The following TIMP1 variants were observed in gnomAD, a reference collection of about 807,000 sequenced individuals.
TIMP1 encodes the protein TIMP metallopeptidase inhibitor 1, also known as metalloproteinase inhibitor 1.
In TIMP1, 5 loss-of-function variants were observed where a neutral mutation model predicts 13.7. The ratio of observed to expected loss-of-function variants is 0.36; its 90% CI spans 0.19 to 0.76. The LOEUF is 0.76. Ranked by LOEUF, TIMP1 falls within the 30% of genes least tolerant of loss-of-function variation. TIMP1 has a pLI of 0.51. For synonymous variants in TIMP1, 63 were observed against 67.1 expected (o/e 0.94, Z 0.30); for missense variants, 131 against 168.4 (o/e 0.78, Z 1.23).
In TIMP1 at chrX:47,586,395, A is replaced by G. The variant is rs745619160; in HGVS notation, c.454-126A>G. ...TCAATGGGAGGGGCTGTCCTGGGGT[A>G]TGTACTTAGGTGGGGTGAGAGCAAG... On this transcript the variant is annotated intron_variant, in intron 5 of 5. Coordinates refer to ENST00000218388, the MANE Select transcript of TIMP1 (RefSeq NM_003254.3). 13 of 1,099,896 alleles carry G rather than the reference A, an allele frequency of 1.2e-5. No individual in the cohort carries two copies. In the South Asian group the frequency reaches 2.5e-4, roughly 21 times the overall value. 90.6% of individuals were successfully genotyped at this position (1,099,896 alleles called of 1,213,427 possible). A position where few individuals can be genotyped will look rare whatever the true frequency, so the allele number is the denominator to read the frequency against.
chrX:47,583,286 A>G lies in TIMP1; in HGVS notation c.-8-122A>G, dbSNP rs41415045. Reference sequence around the variant, plus strand: ...AATCCCTAAGCTTACCAACCCCTCAAGCCCAAATCCAGCCCCCTAATCCCC... The same window carrying G: ...AATCCCTAAGCTTACCAACCCCTCAGGCCCAAATCCAGCCCCCTAATCCCC... On this transcript the variant is annotated intron_variant, in intron 1 of 5. Transcript: ENST00000218388. 2.5e-4 allele frequency: 125 copies of G among 491,170 alleles called. No homozygotes were observed. The African/African-American group carries it at 2.8e-3, about 11-fold the overall frequency. 40.5% of individuals were successfully genotyped at this position (491,170 alleles called of 1,213,427 possible).
chrX:47,585,727 G>A (rs766533995), intron 5 of TIMP1, 60 bp downstream of exon 5: 5 of 1,194,627 alleles, frequency 4.2e-6, no homozygotes, highest in South Asian at 3.7e-5. Context: ...TCCCTAAATC[G>A]TGGGCTTGTT....
chrX:47,583,676 C>A, intron 2 of TIMP1, 140 bp downstream of exon 2: 1 of 711,512 alleles, frequency 1.4e-6, no homozygotes, highest in Non-Finnish European at 1.9e-6. Context: ...GGCATCCTCA[C>A]ACTTCCTTGA....
chrX:47,583,024 C>T (rs1456197262), intron 1 of TIMP1, among the ~76,000 whole-genome samples: 1 of 92,085 alleles, frequency 1.1e-5, no homozygotes, highest in Non-Finnish European at 2.1e-5. Flanking sequence ...TCTTAATATA[C>T]ACAACCCCTA....
In TIMP1 at chrX:47,586,305, G is replaced by A. The variant is rs1055452613; in HGVS notation, c.454-216G>A. 1.1e-5 allele frequency: 8 copies of A among 752,743 alleles called. No individual in the cohort carries two copies. In the Admixed American group the frequency reaches 3.5e-4, roughly 33 times the overall value. 62.0% of individuals were successfully genotyped at this position (752,743 alleles called of 1,213,427 possible). ...ACTGACCCCCAGGGCCTATTCCCCA[G>A]CCACCATTCCAGGACACTGATTTAC... is the stretch of plus-strand genomic sequence containing the variant. On this transcript the variant is annotated intron_variant, in intron 5 of 5. Transcript: ENST00000218388.
At chrX:47,582,959 C>T (rs1277544293) in intron 1 of TIMP1, among the ~76,000 whole-genome samples, 1 of 84,111 alleles carries the variant, frequency 1.2e-5, no homozygotes, top group Admixed American at 1.4e-4. Context: ...CTCCCTAAAC[C>T]CCCAACCTCC....
Position 47,583,533 on chromosome X carries a change from C to T in TIMP1, c.118C>T (p.Leu40Phe). ...ACAGACGGCCTTCTGCAATTCCGAC[C>T]TCGGTGAGTCCTCACCCCACTCAGC... ...HPQTAFCNSDLVIRAKFVGTP... is the reference protein window; with the variant it reads ...HPQTAFCNSDFVIRAKFVGTP... The change falls in exon 2 of 6, where the codon CTC (leucine) becomes TTC (phenylalanine). Residue 40 changes from leucine (L) to phenylalanine (F), a missense_variant. Leu to Phe is a conservative substitution (Grantham distance 22). Coordinates refer to ENST00000218388, the MANE Select transcript of TIMP1 (RefSeq NM_003254.3). 7.5e-6 allele frequency: 9 copies of T among 1,195,254 alleles called. No homozygotes were observed. Among genetic ancestry groups the T allele is most frequent in the Non-Finnish European group, 9.0e-6 (8 of 886,355 alleles).
At chrX:47,582,558 G>T in intron 1 of TIMP1, 84 bp downstream of exon 1, 1 of 362,539 alleles carries the variant, frequency 2.8e-6, no homozygotes. Context: ...GCACTCCCGT[G>T]CCAGATGCCT....
rs749449635 is a variant in TIMP1, at chrX:47,585,312, C to T, written c.309C>T (p.Ser103=). 4.1e-6 allele frequency: 5 copies of T among 1,211,739 alleles called. No individual in the cohort carries two copies. Among genetic ancestry groups the T allele is most frequent in the South Asian group, 3.5e-5 (2 of 56,958 alleles). ...ACTTCCACAGGTCCCACAACCGCAG[C>T]GAGGAGTTTCTCATTGCTGGTGAGG... ...CGYFHRSHNR[S]EEFLIAGKLQ... The change falls in exon 4 of 6, where the codon AGC becomes AGT. Residue 103 remains serine (S), a synonymous_variant. Transcript: ENST00000218388.
intron 2 of TIMP1, 92 bp downstream of exon 2, chrX:47,583,628 T>G (rs1056366020): frequency 4.0e-5 from 40 of 998,853 alleles, no homozygotes; most frequent in Non-Finnish European, 5.2e-5. Context: ...CTAGAATGAT[T>G]CCACTCGCCC....
At chrX:47,586,057 T>C in intron 5 of TIMP1, 1 of 966,284 alleles carries the variant, frequency 1.0e-6, no homozygotes, top group Non-Finnish European at 1.3e-6. Flanking sequence ...CTTGTTGCTC[T>C]GCAGCTCTGA....
chrX:47,586,471 C>A lies in TIMP1; in HGVS notation c.454-50C>A, dbSNP rs770242868. The stretch of plus-strand genomic sequence containing the variant: ...GCTGAGGAGAGGAAGTTCTGCTCCA[C>A]GGGGGAGGCAGGGAGAAGCCCTCAG... On this transcript the variant is annotated intron_variant, in intron 5 of 5. Transcript: ENST00000218388. 12 of 1,187,758 alleles carry A rather than the reference C, an allele frequency of 1.0e-5. 1 individual carries two copies. The East Asian group carries it at 3.6e-4, about 35-fold the overall frequency.
chrX:47,586,745 C>A lies in TIMP1; in HGVS notation c.*54C>A, dbSNP rs1603060570. 1 of 1,156,889 alleles carries A rather than the reference C, an allele frequency of 8.6e-7. No individual in the cohort carries two copies. The highest frequency in any genetic ancestry group is 3.0e-5 in the East Asian group (1 of 33,419). ...GCACAGTGTCCACCCTGTTCCCACTCCCATCTTTCTTCCGGACAATGAAAT... is the reference window on the plus strand; with the variant it reads ...GCACAGTGTCCACCCTGTTCCCACTACCATCTTTCTTCCGGACAATGAAAT... On this transcript the variant is annotated 3_prime_UTR_variant, in exon 6 of 6. Coordinates refer to ENST00000218388, the MANE Select transcript of TIMP1 (RefSeq NM_003254.3).
Position 47,585,233 on chromosome X carries a change from A to G in TIMP1, c.230A>G (p.Asp77Gly). 1 of 1,200,392 alleles carries G rather than the reference A, an allele frequency of 8.3e-7. No homozygotes were observed. The highest frequency in any genetic ancestry group is 1.1e-6 in the Non-Finnish European group (1 of 888,711). ...TATAAAGGGTTCCAAGCCTTAGGGG[A>G]TGCCGCTGACATCCGGTTCGTCTAC... ...KMYKGFQALG[D>G]AADIRFVYTP... is the part of the protein sequence containing the mutation. Residue 77 changes from aspartate (D) to glycine (G), a missense_variant, in exon 4 of 6, where the codon GAT becomes GGT. Asp to Gly is a moderately conservative substitution (Grantham distance 94). Transcript: ENST00000218388.
chrX:47,586,105 G>A, intron 5 of TIMP1: 4 of 942,700 alleles, frequency 4.2e-6, no homozygotes, highest in Non-Finnish European at 5.3e-6. Flanking sequence ...CTGACCTCCT[G>A]GCTAGTCCAA....
intron 2 of TIMP1, among the ~76,000 whole-genome samples, chrX:47,584,326 G>A (rs1435408374): frequency 1.8e-5 from 2 of 109,875 alleles, no homozygotes; most frequent in East Asian, 2.9e-4. Flanking sequence ...GGATGATCAG[G>A]TATTGAGGAT....
chrX:47,585,727 G>T, intron 5 of TIMP1, 60 bp downstream of exon 5: 1 of 1,194,629 alleles, frequency 8.4e-7, no homozygotes, highest in Non-Finnish European at 1.1e-6. Context: ...TCCCTAAATC[G>T]TGGGCTTGTT....
intron 1 of TIMP1, 28 bp from the exon 2 acceptor site, chrX:47,583,380 G>A (rs754265865): frequency 8.5e-7 from 1 of 1,176,936 alleles, no homozygotes; most frequent in East Asian, 3.0e-5. Context: ...CTGGGCCGGG[G>A]CCTGCCTGAC....
In TIMP1 at chrX:47,582,444, C is replaced by T. The variant is rs771688119; in HGVS notation, c.-39C>T. 6.3e-5 allele frequency: 16 copies of T among 252,826 alleles called. No individual in the cohort carries two copies. In the East Asian group the frequency reaches 7.4e-4, roughly 12 times the overall value. 20.8% of individuals were successfully genotyped at this position (252,826 alleles called of 1,213,427 possible). ...AGCGCTCAGGCCCTGCCGCCATCGCCGCAGATCCAGCGCCCAGAGAGACAC... is the reference window on the plus strand; with the variant it reads ...AGCGCTCAGGCCCTGCCGCCATCGCTGCAGATCCAGCGCCCAGAGAGACAC... On this transcript the variant is annotated 5_prime_UTR_variant, in exon 1 of 6. Coordinates refer to ENST00000218388, the MANE Select transcript of TIMP1 (RefSeq NM_003254.3).
Sources: allele counts gnomAD v4.1 joint callset (sites outside exome capture counted in the v4.1 genomes callset), GRCh38; gene constraint gnomAD v4.1.1; transcripts MANE v1.5; gene names NCBI Gene and HGNC (gene_info 2026-07-23, HGNC 2026-07-21).